AQR: variants seen among roughly 807,000 people sequenced by gnomAD.
The protein encoded by AQR is RNA helicase aquarius.
A neutral mutation model predicts 180.5 loss-of-function variants in AQR; 61 were observed. The observed-to-expected ratio is 0.34, with a 90% CI of 0.28 to 0.42. AQR has a LOEUF of 0.42. Among genes scored for constraint, AQR ranks in the 10% least tolerant of loss-of-function variants. The pLI, the probability that AQR is intolerant of heterozygous loss-of-function variation, is 1.00. For synonymous variants in AQR, 551 were observed against 588.8 expected (o/e 0.94, Z 0.93); for missense variants, 1,281 against 1,798.3 (o/e 0.71, Z 5.20).
At chr15:34,966,218 C>T (rs8037610) in intron 1 of AQR, among the ~76,000 whole-genome samples, 100,853 of 152,036 alleles carry the variant, frequency 0.66, 34,926 homozygotes, top group South Asian at 0.78. Context: ...TTCAGATCTC[C>T]AATCTCCTTA....
chr15:34,881,735 T>C (rs1892976046), intron 27 of AQR, among the ~76,000 whole-genome samples: 1 of 152,192 alleles, frequency 6.6e-6, no homozygotes, highest in African/African-American at 2.4e-5. Context: ...ATAACTGGAA[T>C]GGTTGTATGT....
rs745561831 is a variant in AQR at position 34,897,018 on chromosome 15, A to G, written c.2391-52T>C. ...GGTACAGATAAATGATGCTTTGTAT[A>G]ATACAAATTTAGACAACAATGACCA... On this transcript the variant is annotated intron_variant, in intron 21 of 34. Coordinates refer to ENST00000156471, the MANE Select transcript of AQR (RefSeq NM_014691.3). 2.8e-6 allele frequency: 4 copies of G among 1,429,688 alleles called. No individual in the cohort carries two copies. In the Admixed American group the frequency reaches 7.0e-5, roughly 25 times the overall value. The allele number at this position is 1,429,688 out of a possible 1,614,324, so 88.6% of individuals were successfully genotyped here.
In AQR at chr15:34,930,322, G is replaced by C; in HGVS notation, c.950C>G (p.Thr317Ser). The change falls in exon 12 of 35, where the codon ACT (threonine) becomes AGT (serine). Residue 317 changes from threonine to serine, a missense_variant. Thr to Ser is a moderately conservative substitution (Grantham distance 58). Around this residue, in one of 9 missense-constraint regions of AQR, gnomAD observed 404 missense variants for 490.9 expected, o/e 0.82. Transcript: ENST00000156471. ...FYTGFEINDQ[T>S]GNALTENEMT... The stretch of plus-strand genomic sequence containing the variant: ...CTCATTCTCTGTCAGAGCATTTCCA[G>C]TTTGGTCATTAATTTCAAAACCAGT... 6.2e-7 allele frequency: 1 copy of C among 1,611,512 alleles called. No homozygotes were observed. The highest frequency in any genetic ancestry group is 8.5e-7 in the Non-Finnish European group (1 of 1,178,570).
intron 32 of AQR, among the ~76,000 whole-genome samples, 164 bp downstream of exon 32, chr15:34,867,360 T>C (rs1414705515): frequency 6.6e-6 from 1 of 152,128 alleles, no homozygotes; most frequent in East Asian, 1.9e-4. Context: ...GCAATGAGAA[T>C]AGTTACAAGG....
chr15:34,938,843 T>G, intron 8 of AQR, 30 bp from the exon 9 acceptor site: 3 of 1,477,686 alleles, frequency 2.0e-6, no homozygotes, highest in Non-Finnish European at 2.8e-6. Context: ...TGACCAATTA[T>G]TTTTGAAGAA....
chr15:34,879,086 T>C (rs984842701), intron 27 of AQR, among the ~76,000 whole-genome samples: 1 of 151,800 alleles, frequency 6.6e-6, no homozygotes, highest in Non-Finnish European at 1.5e-5. Context: ...TAGACTTCTG[T>C]TAAAAGGTGA....
In AQR at chr15:34,906,525, A is replaced by C; in HGVS notation, c.1831+20T>G. 1 of 1,612,670 alleles carries C rather than the reference A, an allele frequency of 6.2e-7. No homozygotes were observed. Among genetic ancestry groups the C allele is most frequent in the Non-Finnish European group, 8.5e-7 (1 of 1,179,290 alleles). On this transcript the variant is annotated intron_variant, in intron 18 of 34. Coordinates refer to ENST00000156471, the MANE Select transcript of AQR (RefSeq NM_014691.3). Reference sequence around the variant, plus strand: ...TATCATTCTATACACATACTCTTTCAAAAATATAGGTCACCATACCATCTT... The same window carrying C: ...TATCATTCTATACACATACTCTTTCCAAAATATAGGTCACCATACCATCTT...
rs369329198 is a variant in AQR, at chr15:34,918,304, A to T, written c.1296T>A (p.Ile432=). 4.5e-4 allele frequency: 731 copies of T among 1,613,760 alleles called. 1 individual carries two copies. Among genetic ancestry groups the T allele is most frequent in the Non-Finnish European group, 5.9e-4 (698 of 1,179,888 alleles). Reference sequence around the variant, plus strand: ...TTGGGACAATATTTTCATCCCATATAATTTTCTCAGTTGGATACAAAGGCA... The same window carrying T: ...TTGGGACAATATTTTCATCCCATATTATTTTCTCAGTTGGATACAAAGGCA... ...NQMPLYPTEK[I]IWDENIVPTE... is the part of the protein sequence containing the mutation. Residue 432 remains isoleucine, a synonymous_variant, in exon 15 of 35, where the codon ATT becomes ATA. Transcript: ENST00000156471.
At chr15:34,906,897 C>G (rs1341616841) in intron 17 of AQR, among the ~76,000 whole-genome samples, 185 bp from the exon 18 acceptor site, 1 of 152,088 alleles carries the variant, frequency 6.6e-6, no homozygotes, top group Non-Finnish European at 1.5e-5. Flanking sequence ...CTCAATATTT[C>G]ATAGCATTAA....
chr15:34,947,690 A>G (rs1894151990), intron 5 of AQR, among the ~76,000 whole-genome samples: 1 of 151,726 alleles, frequency 6.6e-6, no homozygotes, highest in Non-Finnish European at 1.5e-5. Context: ...CCCAGGCTGG[A>G]GTGTTGTGGT....
intron 10 of AQR, among the ~76,000 whole-genome samples, chr15:34,932,986 T>G (rs1375694001): frequency 6.6e-6 from 1 of 152,054 alleles, no homozygotes; most frequent in African/African-American, 2.4e-5. Flanking sequence ...AATCTAGCAC[T>G]AAGGAATCTC....
chr15:34,934,024 G>A (rs1203102366), intron 10 of AQR, among the ~76,000 whole-genome samples: 1 of 152,074 alleles, frequency 6.6e-6, no homozygotes, highest in Non-Finnish European at 1.5e-5. Flanking sequence ...AGGGGTCTGA[G>A]GTGGATCAGG....
intron 15 of AQR, 61 bp from the exon 16 acceptor site, chr15:34,915,240 T>G: frequency 2.1e-6 from 3 of 1,415,204 alleles, no homozygotes; most frequent in Non-Finnish European, 2.8e-6. Context: ...GGAGTCTCAC[T>G]CTGTCACCTG....
In AQR at chr15:34,918,360, G is replaced by A. The variant is rs756553023; in HGVS notation, c.1240C>T (p.Arg414Ter). Residue 414 changes from arginine to a stop codon, truncating the protein, a stop_gained, in exon 15 of 35, where the codon CGA becomes TGA. Transcript: ENST00000156471. LOFTEE classifies it high-confidence loss of function. ...TTCAACTGCTGAATCTGAGAAATTC[G>A]ACGTTCATGACGAGATACCTAAAAT... ...LELLVSRHER[R>*]ISQIQQLNQM... 6.2e-7 allele frequency: 1 copy of A among 1,613,128 alleles called. No homozygotes were observed. The highest frequency in any genetic ancestry group is 8.5e-7 in the Non-Finnish European group (1 of 1,179,604).
intron 8 of AQR, 90 bp downstream of exon 8, chr15:34,940,809 T>C: frequency 1.0e-6 from 1 of 953,462 alleles, no homozygotes; most frequent in Non-Finnish European, 1.6e-6. Flanking sequence ...CTCAGCACTA[T>C]ATAAAGGGAA....
intron 27 of AQR, among the ~76,000 whole-genome samples, chr15:34,878,789 G>A (rs1486121187): frequency 6.6e-6 from 1 of 152,150 alleles, no homozygotes; most frequent in Non-Finnish European, 1.5e-5. Flanking sequence ...CCAGCACTTT[G>A]GGAGCCCGAG....
chr15:34,880,367 G>A (rs1444860419), intron 27 of AQR, among the ~76,000 whole-genome samples: 1 of 152,082 alleles, frequency 6.6e-6, no homozygotes, highest in Non-Finnish European at 1.5e-5. Context: ...TATGAGAAAG[G>A]CAAAGGCCTT....
intron 11 of AQR, among the ~76,000 whole-genome samples, chr15:34,932,054 C>T (rs1292471715): frequency 1.3e-5 from 2 of 152,146 alleles, no homozygotes; most frequent in Non-Finnish European, 1.5e-5. Context: ...CTATATTTCA[C>T]ATAAAATCAA....
intron 3 of AQR, among the ~76,000 whole-genome samples, chr15:34,957,237 A>T (rs534163590): frequency 1.3e-5 from 2 of 151,816 alleles, no homozygotes; most frequent in East Asian, 3.9e-4. Context: ...GCTCACTGCA[A>T]CCTCCACCTC....
Sources: allele counts gnomAD v4.1 joint callset (sites outside exome capture counted in the v4.1 genomes callset), GRCh38; gene constraint gnomAD v4.1.1; regional missense constraint gnomAD v4.1.1; transcripts MANE v1.5; gene names NCBI Gene and HGNC (gene_info 2026-07-23, HGNC 2026-07-21).